The following BEND3 variants were observed in gnomAD, a reference collection of about 807,000 sequenced individuals.
The protein encoded by BEND3 is BEN domain-containing protein 3.
BEND3 carries 13 observed loss-of-function variants against 60.1 expected under a neutral mutation model. The observed-to-expected ratio is 0.22, with a 90% CI of 0.14 to 0.34. The LOEUF (loss-of-function observed/expected upper bound fraction) is 0.34, where lower values mean the gene tolerates loss of function less well. BEND3 is among the 10% of genes least tolerant of loss of function. The pLI is 1.00. For missense variants in BEND3, 896 were observed against 1,138.1 expected, an observed-to-expected ratio of 0.79 and a Z score of 3.06; for synonymous variants, 497 against 491.5, an observed-to-expected ratio of 1.01 and a Z score of -0.15.
intron 1 of BEND3, among the ~76,000 whole-genome samples, chr6:107,108,451 C>G (rs797042705): frequency 6.6e-5 from 10 of 152,328 alleles, no homozygotes; most frequent in African/African-American, 2.4e-4. Context: ...CAGCATCCAG[C>G]CATGTGACTG....
intron 1 of BEND3, among the ~76,000 whole-genome samples, chr6:107,105,603 A>T (rs1775796992): frequency 6.6e-6 from 1 of 152,154 alleles, no homozygotes; most frequent in Non-Finnish European, 1.5e-5. Context: ...CTTTTGGGAC[A>T]GCAGCGTGAG....
chr6:107,081,790 A>T (rs577836157), intron 3 of BEND3, among the ~76,000 whole-genome samples: 47 of 152,158 alleles, frequency 3.1e-4, no homozygotes, highest in African/African-American at 1.1e-3. Flanking sequence ...AAAAAAAAAA[A>T]AATAAATAAA....
At chr6:107,106,702 T>A (rs954333535) in intron 1 of BEND3, among the ~76,000 whole-genome samples, 2 of 152,152 alleles carry the variant, frequency 1.3e-5, no homozygotes, top group Non-Finnish European at 1.5e-5. Context: ...CTTGAACTCC[T>A]GGGCTCAGAT....
intron 1 of BEND3, among the ~76,000 whole-genome samples, chr6:107,101,090 T>TA (rs1775692954): frequency 6.6e-6 from 1 of 152,056 alleles, no homozygotes; most frequent in African/African-American, 2.4e-5. Flanking sequence ...TAGTCCCAGC[T>TA]ACTTGGGAGA....
Position 107,070,950 on chromosome 6 carries a change from C to A in BEND3, c.241G>T (p.Ala81Ser). 2 of 1,598,298 alleles carry A rather than the reference C, an allele frequency of 1.3e-6. No individual in the cohort carries two copies. Among genetic ancestry groups the A allele is most frequent in the Non-Finnish European group, 1.7e-6 (2 of 1,172,842 alleles). The change falls in exon 4 of 4, where the codon GCT (alanine) becomes TCT (serine). Residue 81 changes from alanine to serine, a missense_variant and splice_region_variant. Transcript: ENST00000369042. This position sits in a 1 kb window ranked among gnomAD's most constrained non-coding sequence, Gnocchi z 6.9. ...GVKRRRLIPEALLAGMRNREN... is the reference protein window; with the variant it reads ...GVKRRRLIPESLLAGMRNREN... ...CGGTTCCGCATGCCTGCTAGGAGAG[C>A]CTGCAAAACAAAAATCATTTCCCAG...
chr6:107,107,848 T>C (rs1277907136), intron 1 of BEND3, among the ~76,000 whole-genome samples: 2 of 152,228 alleles, frequency 1.3e-5, no homozygotes, highest in Non-Finnish European at 2.9e-5. Context: ...AACTTTTCTT[T>C]CCAATGAAAC....
At chr6:107,102,525 C>T (rs1026588257) in intron 1 of BEND3, among the ~76,000 whole-genome samples, 4 of 152,156 alleles carry the variant, frequency 2.6e-5, no homozygotes, top group Admixed American at 6.6e-5. Flanking sequence ...GGTGCTGGTG[C>T]GGCTGCCTGG....
chr6:107,109,909 T>G (rs1554238123), intron 1 of BEND3, among the ~76,000 whole-genome samples: 1 of 151,546 alleles, frequency 6.6e-6, no homozygotes, highest in Non-Finnish European at 1.5e-5. Context: ...CACAGGCCTG[T>G]AGTTCCAGCC....
chr6:107,076,923 T>C (rs1407326567), intron 3 of BEND3, among the ~76,000 whole-genome samples: 3 of 151,990 alleles, frequency 2.0e-5, no homozygotes, highest in Non-Finnish European at 4.4e-5. Flanking sequence ...ACCTTCGCCA[T>C]CACTCCCCAC....
Position 107,069,147 on chromosome 6 carries a change from C to T in BEND3, c.2044G>A (p.Glu682Lys), listed in dbSNP as rs782669113. ...SYAINPERFR[E>K]EFEGPPLPPE... The stretch of plus-strand genomic sequence containing the variant: ...GGCAGTGGGGGCCCCTCAAACTCCT[C>T]CCGGAACCTCTCGGGGTTGATTGCA... The change falls in exon 4 of 4, where the codon GAG becomes AAG. Residue 682 changes from glutamate (E) to lysine (K), a missense_variant. This residue lies in a region of BEND3 where 846 missense variants were observed against 1,036.7 expected (regional missense o/e 0.82). Coordinates refer to ENST00000369042, the MANE Select transcript of BEND3 (RefSeq NM_001367314.1). 6 of 1,612,618 alleles carry T rather than the reference C, an allele frequency of 3.7e-6. No individual in the cohort carries two copies. Among genetic ancestry groups the T allele is most frequent in the Non-Finnish European group, 5.1e-6 (6 of 1,180,022 alleles).
At position 107,066,630 on chromosome 6, in the gene BEND3, T is replaced by C. The variant is rs781806687; in HGVS notation, c.*2074A>G. ...TTCCACCCTCTAGAAAGCAGGGCAA[T>C]TCATGGCTTGGAGTCCTCGTTTACA... On this transcript the variant is annotated 3_prime_UTR_variant, in exon 4 of 4. Coordinates refer to ENST00000369042, the MANE Select transcript of BEND3 (RefSeq NM_001367314.1). 6.6e-6 allele frequency: 1 copy of C among 152,598 alleles called. No homozygotes were observed. The highest frequency in any genetic ancestry group is 6.5e-5 in the Admixed American group (1 of 15,272). 9.5% of individuals were successfully genotyped at this position (152,598 alleles called of 1,614,324 possible). A position where few individuals can be genotyped will look rare whatever the true frequency, so the allele number is the denominator to read the frequency against.
chr6:107,096,898 C>G (rs1775596351), intron 3 of BEND3, among the ~76,000 whole-genome samples: 1 of 152,074 alleles, frequency 6.6e-6, no homozygotes, highest in Non-Finnish European at 1.5e-5. Flanking sequence ...AGTTTGAGAC[C>G]AGCCTGGACC....
chr6:107,069,988 C>G lies in BEND3; in HGVS notation c.1203G>C (p.Leu401=). Residue 401 remains leucine (L), a synonymous_variant, in exon 4 of 4, where the codon CTG becomes CTC. Transcript: ENST00000369042. ...VVDTQDLTEF[L]DEASSPGEFA... is the part of the protein sequence containing the mutation. ...ACTCGCCTGGTGAGGAGGCTTCGTC[C>G]AGGAACTCAGTGAGGTCCTGCGTGT... 6.2e-7 allele frequency: 1 copy of G among 1,613,734 alleles called. No individual in the cohort carries two copies. The highest frequency in any genetic ancestry group is 8.5e-7 in the Non-Finnish European group (1 of 1,180,002).
chr6:107,089,113 G>A lies in BEND3; in HGVS notation c.240+9438C>T, dbSNP rs376667111. Among the ~76,000 whole-genome samples, 7 of 148,132 alleles carry A rather than the reference G, an allele frequency of 4.7e-5. No homozygotes were observed. In the East Asian group the frequency reaches 1.2e-3, roughly 26 times the overall value. ...AGATCGCCCCATTGCACTCCAGCCT[G>A]GGCAAAAGATCGAGACTCCGTCTCA... is the stretch of plus-strand genomic sequence containing the variant. On this transcript the variant is annotated intron_variant, in intron 3 of 3. Transcript: ENST00000369042.
chr6:107,098,779 A>C, intron 2 of BEND3, 26 bp from the exon 3 acceptor site: 6 of 1,603,258 alleles, frequency 3.7e-6, no homozygotes, highest in Non-Finnish European at 5.1e-6. Context: ...AATAGGGCTC[A>C]GTGGGAAAAA....
chr6:107,106,936 C>CTTTT (rs35443143), intron 1 of BEND3, among the ~76,000 whole-genome samples: 27 of 128,532 alleles, frequency 2.1e-4, no homozygotes, highest in African/African-American at 8.0e-4. Context: ...TCAAAGAGGG[C>CTTTT]TTTTTTTTTT....
At chr6:107,078,771 G>A (rs906262094) in intron 3 of BEND3, among the ~76,000 whole-genome samples, 2 of 150,352 alleles carry the variant, frequency 1.3e-5, no homozygotes, top group African/African-American at 2.5e-5. Flanking sequence ...TCTGCCCCTC[G>A]TCTGACCCCA....
At chr6:107,072,703 G>A (rs1041195051) in intron 3 of BEND3, among the ~76,000 whole-genome samples, 27 of 152,110 alleles carry the variant, frequency 1.8e-4, no homozygotes, top group Admixed American at 9.8e-4. Context: ...ATTAATGAAC[G>A]GCTGGGCGTG....
At chr6:107,082,498 G>A (rs1357991182) in intron 3 of BEND3, among the ~76,000 whole-genome samples, 1 of 152,164 alleles carries the variant, frequency 6.6e-6, no homozygotes, top group African/African-American at 2.4e-5. Flanking sequence ...GTAGTGGTGT[G>A]ATCTTGGCTC....
Sources: allele counts gnomAD v4.1 joint callset (sites outside exome capture counted in the v4.1 genomes callset), GRCh38; gene constraint gnomAD v4.1.1; regional missense constraint gnomAD v4.1.1; non-coding constraint Gnocchi (gnomAD v3.1); transcripts MANE v1.5; gene names NCBI Gene and HGNC (gene_info 2026-07-23, HGNC 2026-07-21).